URB1: variants seen among roughly 807,000 people sequenced by gnomAD.
URB1 encodes nucleolar pre-ribosomal-associated protein 1.
Under a neutral mutation model 242.3 loss-of-function variants are expected in URB1, and 197 were observed. That is an observed-to-expected ratio of 0.81 (90% CI 0.72 to 0.91). URB1 has a LOEUF of 0.91. URB1 is among the 40% of genes least tolerant of loss of function. The pLI is 0.00. For synonymous variants in URB1, 1,153 were observed against 1,201.8 expected (o/e 0.96, Z 0.84); for missense variants, 2,721 against 2,860.5 (o/e 0.95, Z 1.11).
rs117188934 is a variant in URB1, at chr21:32,367,195, A to G, written c.1198-440T>C. Among the ~76,000 whole-genome samples, 488 of 152,276 alleles carry G rather than the reference A, an allele frequency of 3.2e-3. 1 individual carries two copies. Among genetic ancestry groups the G allele is most frequent in the Non-Finnish European group, 5.1e-3 (347 of 68,028 alleles). ...CATTAAAACAAAAATATATTCACAG[A>G]TGACAAAATTGGACCTCAGTGAGGT... On this transcript the variant is annotated intron_variant, in intron 9 of 38. Coordinates refer to ENST00000382751, the MANE Select transcript of URB1 (RefSeq NM_014825.3).
chr21:32,332,657 A>G (rs956862824), intron 30 of URB1, among the ~76,000 whole-genome samples: 2 of 151,870 alleles, frequency 1.3e-5, no homozygotes, highest in African/African-American at 2.4e-5. Flanking sequence ...ACATGAACAG[A>G]CATTTCACCA....
At chr21:32,331,108 C>A (rs558408604) in intron 30 of URB1, among the ~76,000 whole-genome samples, 1 of 152,314 alleles carries the variant, frequency 6.6e-6, no homozygotes, top group South Asian at 2.1e-4. Context: ...ACCTAAATCT[C>A]CCCAGTTGTG....
chr21:32,377,424 C>G (rs1177639444), intron 5 of URB1: 5 of 423,686 alleles, frequency 1.2e-5, no homozygotes, highest in Middle Eastern at 7.0e-4. Flanking sequence ...ATGGTACCAA[C>G]TGTCACTGAA....
At chr21:32,377,104 T>C (rs2123617117) in intron 5 of URB1, 1 of 496,012 alleles carries the variant, frequency 2.0e-6, no homozygotes, top group South Asian at 1.5e-5. Flanking sequence ...CTCACATCTT[T>C]AATTATTTCA....
At chr21:32,315,460 T>G (rs1417953714) in intron 38 of URB1, among the ~76,000 whole-genome samples, 1 of 152,030 alleles carries the variant, frequency 6.6e-6, no homozygotes, top group Non-Finnish European at 1.5e-5. Flanking sequence ...ACTACAGGCA[T>G]GTGCCACCAC....
chr21:32,338,740 C>T lies in URB1; in HGVS notation c.4477G>A (p.Asp1493Asn). The change falls in exon 26 of 39, where the codon GAC (aspartate) becomes AAC (asparagine). Residue 1493 changes from aspartate to asparagine, a missense_variant. Transcript: ENST00000382751. ...TGGCTGTCCGGGCTCTCCTCTCCGT[C>T]AGACGTCAGTAGAGTCGGCAGAAAC... ...SLFLPTLLTS[D>N]GEESPDSQVK... is the part of the protein sequence containing the mutation. 7 of 1,551,630 alleles carry T rather than the reference C, an allele frequency of 4.5e-6. No individual in the cohort carries two copies. The highest frequency in any genetic ancestry group is 6.1e-6 in the Non-Finnish European group (7 of 1,146,974).
chr21:32,353,587 T>G (rs1291014109), intron 18 of URB1, among the ~76,000 whole-genome samples: 6 of 152,222 alleles, frequency 3.9e-5, no homozygotes, highest in Non-Finnish European at 8.8e-5. Context: ...CTAAGTTGCC[T>G]GGAAAATCCA....
chr21:32,323,014 C>G (rs1184572692), intron 32 of URB1, among the ~76,000 whole-genome samples: 1 of 152,176 alleles, frequency 6.6e-6, no homozygotes, highest in Non-Finnish European at 1.5e-5. Flanking sequence ...CTACTGAGTG[C>G]CTCTGGAATG....
At chr21:32,389,951 G>A (rs892848556) in intron 1 of URB1, among the ~76,000 whole-genome samples, 1 of 152,116 alleles carries the variant, frequency 6.6e-6, no homozygotes, top group African/African-American at 2.4e-5. Context: ...TCCCTCACAT[G>A]CCTGGTGAAA....
At chr21:32,336,388 A>G (rs1479048409) in intron 28 of URB1, among the ~76,000 whole-genome samples, 1 of 152,182 alleles carries the variant, frequency 6.6e-6, no homozygotes, top group Non-Finnish European at 1.5e-5. Context: ...ACACACACAC[A>G]CGTACATACT....
chr21:32,392,741 G>A (rs745921215), intron 1 of URB1, 28 bp downstream of exon 1: 33 of 1,410,002 alleles, frequency 2.3e-5, no homozygotes, highest in Non-Finnish European at 1.7e-5. Flanking sequence ...CTGTGCTCCC[G>A]ACCCTGCGCC....
intron 16 of URB1, 23 bp downstream of exon 16, chr21:32,355,426 T>C (rs1349862044): frequency 1.3e-6 from 2 of 1,541,398 alleles, no homozygotes; most frequent in Admixed American, 2.0e-5. Context: ...GCATGTTCCT[T>C]TATGTGGGAA....
intron 1 of URB1, among the ~76,000 whole-genome samples, chr21:32,388,089 G>A (rs771563507): frequency 3.9e-5 from 6 of 152,162 alleles, no homozygotes; most frequent in Non-Finnish European, 8.8e-5. Context: ...AGCCACATCT[G>A]CCGGGGACGC....
chr21:32,371,068 T>A (rs1234568744), intron 8 of URB1, among the ~76,000 whole-genome samples: 1 of 152,116 alleles, frequency 6.6e-6, no homozygotes, highest in East Asian at 1.9e-4. Context: ...ACAGTGACAG[T>A]GGAGGGACTA....
intron 4 of URB1, 21 bp from the exon 5 acceptor site, chr21:32,378,562 AC>A: frequency 6.5e-7 from 1 of 1,537,256 alleles, no homozygotes; most frequent in Non-Finnish European, 8.8e-7. Context: ...AAGGAGACCT[AC>A]ATGTCACATG....
At position 32,385,696 on chromosome 21, in the gene URB1, G is replaced by C. The variant is rs140199621; in HGVS notation, c.143-12C>G. ...AAACGCTTCCAAGCCTGAAAAAAAA[G>C]TTATGTTCAAACATTAACAAGGTCA... is the stretch of plus-strand genomic sequence containing the variant. On this transcript the variant is annotated splice_polypyrimidine_tract_variant and intron_variant, in intron 1 of 38. Transcript: ENST00000382751. 2.6e-6 allele frequency: 4 copies of C among 1,549,828 alleles called. No individual in the cohort carries two copies. The highest frequency in any genetic ancestry group is 3.5e-6 in the Non-Finnish European group (4 of 1,146,440).
chr21:32,350,759 A>G lies in URB1; in HGVS notation c.2777T>C (p.Leu926Pro), dbSNP rs1250999399. The G allele has an allele frequency of 1.9e-6, 3 of 1,551,394 alleles. No individual in the cohort carries two copies. Among genetic ancestry groups the G allele is most frequent in the Non-Finnish European group, 2.6e-6 (3 of 1,147,022 alleles). The change falls in exon 20 of 39, where the codon CTC becomes CCC. Residue 926 changes from leucine to proline, a missense_variant. Physicochemically the swap from Leu to Pro is moderately conservative, Grantham distance 98 (BLOSUM62 -3). Transcript: ENST00000382751. The part of the protein sequence containing the change: ...MPHLSMQQVL[L>P]AAKQVLLYLR... ...GTAGAGCAACACCTGCTTGGCCGCG[A>G]GCAGGACCTGCTGCATGGACAGGTG...
intron 30 of URB1, among the ~76,000 whole-genome samples, chr21:32,327,908 CAA>C (rs1237766980): frequency 6.6e-5 from 10 of 152,132 alleles, no homozygotes; most frequent in Non-Finnish European, 1.0e-4. Flanking sequence ...TAAAAGTCAA[CAA>C]GAGATAAAAT....
intron 25 of URB1, among the ~76,000 whole-genome samples, chr21:32,340,483 C>T (rs562797091): frequency 1.3e-5 from 2 of 152,014 alleles, no homozygotes; most frequent in African/African-American, 2.4e-5. Context: ...CATGGTGGTG[C>T]GTGCCTGTGG....
Sources: gnomAD v4.1 joint callset for allele counts (sites outside exome capture counted in the v4.1 genomes callset) on GRCh38, gnomAD v4.1.1 for gene constraint, MANE v1.5 for transcripts, NCBI Gene and HGNC (gene_info 2026-07-23, HGNC 2026-07-21) for gene names.